SPAG16: variants seen among roughly 807,000 people sequenced by gnomAD.
SPAG16 encodes the protein sperm-associated antigen 16 protein.
A neutral mutation model predicts 80.4 loss-of-function variants in SPAG16; 86 were observed. The observed-to-expected ratio is 1.07, with a 90% CI of 0.90 to 1.28. The LOEUF (loss-of-function observed/expected upper bound fraction) is 1.28. Among genes scored for constraint, SPAG16 ranks in the 50% most tolerant of loss-of-function variants. SPAG16 has a pLI of 0.00. For synonymous variants in SPAG16, 294 were observed against 265.9 expected, an observed-to-expected ratio of 1.11 and a Z score of -1.03; for missense variants, 870 against 765.3, an observed-to-expected ratio of 1.14 and a Z score of -1.61.
intron 12 of SPAG16, among the ~76,000 whole-genome samples, chr2:213,993,994 G>A (rs1260911191): frequency 6.6e-6 from 1 of 152,142 alleles, no homozygotes; most frequent in East Asian, 1.9e-4. Context: ...TGGTAGATGA[G>A]GGATACAAAT....
chr2:214,061,993 ACACAC>A (rs1376268288), intron 13 of SPAG16, among the ~76,000 whole-genome samples: 7 of 144,810 alleles, frequency 4.8e-5, no homozygotes, highest in African/African-American at 1.8e-4. Context: ...ACACACACAC[ACACAC>A]ACACACACAC....
intron 3 of SPAG16, among the ~76,000 whole-genome samples, chr2:213,301,810 C>T (rs1269264486): frequency 6.6e-6 from 1 of 152,090 alleles, no homozygotes; most frequent in Non-Finnish European, 1.5e-5. Context: ...GCCCTTTCTC[C>T]GTAAGACCCT....
chr2:214,281,610 A>G (rs2125914647), intron 15 of SPAG16, among the ~76,000 whole-genome samples: 1 of 152,014 alleles, frequency 6.6e-6, no homozygotes, highest in African/African-American at 2.4e-5. Context: ...AAATGGCATG[A>G]CTCCTACCTG....
rs1039815649 is a variant in SPAG16 at position 213,316,901 on chromosome 2, T to G, written c.399-318T>G. On this transcript the variant is annotated intron_variant, in intron 4 of 15. Transcript: ENST00000331683. ...AGCTTATTTAACTTCATAGAACTTA[T>G]CACCCTCCCCACTAGAATGGAAACT... Among the ~76,000 whole-genome samples the G allele has an allele frequency of 5.3e-5, 8 of 152,120 alleles. No individual in the cohort carries two copies. The East Asian group carries it at 1.5e-3, about 29-fold the overall frequency.
rs2071458647 is a variant in SPAG16 at position 213,802,277 on chromosome 2, G to C, written c.1071-60208G>C. On this transcript the variant is annotated intron_variant, in intron 10 of 15. Transcript: ENST00000331683. ...GGGTGAAGATGGCAATCTGGCCAAA[G>C]AGGAGGTGTTAGAGACTCATTGCCC... Among the ~76,000 whole-genome samples, 3 of 152,194 alleles carry C rather than the reference G, an allele frequency of 2.0e-5. No individual in the cohort carries two copies. The South Asian group carries it at 6.2e-4, about 31-fold the overall frequency.
At chr2:214,123,833 C>T (rs913565705) in intron 14 of SPAG16, among the ~76,000 whole-genome samples, 1 of 151,834 alleles carries the variant, frequency 6.6e-6, no homozygotes, top group Non-Finnish European at 1.5e-5. Flanking sequence ...AACATGGTCC[C>T]GTGGAGGAAT....
intron 10 of SPAG16, among the ~76,000 whole-genome samples, chr2:213,511,385 A>AT (rs1279500674): frequency 6.6e-6 from 1 of 152,142 alleles, no homozygotes; most frequent in East Asian, 1.9e-4. Flanking sequence ...AGATTTGGAA[A>AT]AAATGTATAG....
At chr2:213,388,818 G>A (rs1482588449) in intron 9 of SPAG16, among the ~76,000 whole-genome samples, 1 of 152,146 alleles carries the variant, frequency 6.6e-6, no homozygotes, top group African/African-American at 2.4e-5. Flanking sequence ...AAACATTGCT[G>A]AGGGAAATTA....
intron 13 of SPAG16, among the ~76,000 whole-genome samples, chr2:214,104,271 A>T (rs1053906469): frequency 1.3e-5 from 2 of 152,224 alleles, no homozygotes; most frequent in African/African-American, 4.8e-5. Flanking sequence ...CAAGAGCCGA[A>T]CAATACAGGG....
At chr2:213,920,966 T>A (rs1386955057) in intron 11 of SPAG16, among the ~76,000 whole-genome samples, 1 of 152,244 alleles carries the variant, frequency 6.6e-6, no homozygotes, top group Non-Finnish European at 1.5e-5. Context: ...CAGAGGCCTG[T>A]GGCAAGAGTA....
intron 10 of SPAG16, among the ~76,000 whole-genome samples, chr2:213,687,956 A>G (rs553668856): frequency 6.6e-6 from 1 of 152,364 alleles, no homozygotes; most frequent in South Asian, 2.1e-4. Context: ...GACCTGTGAC[A>G]TATCCCTCAG....
At chr2:213,314,842 A>G (rs925574044) in intron 4 of SPAG16, among the ~76,000 whole-genome samples, 4 of 152,046 alleles carry the variant, frequency 2.6e-5, no homozygotes, top group Non-Finnish European at 4.4e-5. Flanking sequence ...CATTCCTAGT[A>G]CAGATTACTT....
intron 10 of SPAG16, among the ~76,000 whole-genome samples, chr2:213,817,831 G>T (rs2072656999): frequency 6.6e-6 from 1 of 152,122 alleles, no homozygotes; most frequent in South Asian, 2.1e-4. Context: ...GGGAAAGAGG[G>T]AGGTGGGTAA....
intron 9 of SPAG16, among the ~76,000 whole-genome samples, chr2:213,453,175 A>T (rs909312312): frequency 6.6e-6 from 1 of 152,192 alleles, no homozygotes; most frequent in African/African-American, 2.4e-5. Context: ...ACTTATCAAT[A>T]TCATTCTTGA....
intron 15 of SPAG16, among the ~76,000 whole-genome samples, chr2:214,263,533 C>A (rs776933178): frequency 1.9e-4 from 29 of 152,098 alleles, no homozygotes; most frequent in Non-Finnish European, 3.5e-4. Flanking sequence ...TGCAAAATAA[C>A]CTTGGCTGTT....
chr2:213,834,634 C>T (rs1463018471), intron 10 of SPAG16, among the ~76,000 whole-genome samples: 3 of 151,950 alleles, frequency 2.0e-5, no homozygotes, highest in Non-Finnish European at 4.4e-5. Context: ...TCTATGATTC[C>T]CCTCAGGAGA....
At chr2:214,094,761 T>C (rs970302835) in intron 13 of SPAG16, among the ~76,000 whole-genome samples, 1 of 152,104 alleles carries the variant, frequency 6.6e-6, no homozygotes, top group Admixed American at 6.6e-5. Context: ...TGTTATTCTG[T>C]GCCTGCCCAA....
intron 1 of SPAG16, among the ~76,000 whole-genome samples, chr2:213,290,399 G>A (rs1164719783): frequency 6.6e-6 from 1 of 152,156 alleles, no homozygotes; most frequent in Non-Finnish European, 1.5e-5. Flanking sequence ...GGGGAGCCAT[G>A]GACACTACCC....
chr2:213,404,609 A>G (rs2125356161), intron 9 of SPAG16, among the ~76,000 whole-genome samples: 1 of 152,244 alleles, frequency 6.6e-6, no homozygotes, highest in South Asian at 2.1e-4. Context: ...AAAACCCTAG[A>G]AGAAAACCTA....
Sources: allele counts gnomAD v4.1 joint callset (sites outside exome capture counted in the v4.1 genomes callset), GRCh38; gene constraint gnomAD v4.1.1; transcripts MANE v1.5; gene names NCBI Gene and HGNC (gene_info 2026-07-23, HGNC 2026-07-21).